Variants in TSEN2 observed in about 807,000 individuals in gnomAD.
The protein encoded by TSEN2 is tRNA splicing endonuclease subunit 2, also known as tRNA-splicing endonuclease subunit Sen2.
Under a neutral mutation model 59.2 loss-of-function variants are expected in TSEN2, and 54 were observed. That is an observed-to-expected ratio of 0.91 (90% CI 0.73 to 1.14). The LOEUF (loss-of-function observed/expected upper bound fraction) is 1.14, where lower values mean the gene tolerates loss of function less well. Among genes scored for constraint, TSEN2 ranks in the 50% most tolerant of loss-of-function variants. TSEN2 has a pLI of 0.00. For synonymous variants in TSEN2, 195 were observed against 198.2 expected (o/e 0.98, Z 0.14); for missense variants, 636 against 576.2 (o/e 1.10, Z -1.06).
intron 8 of TSEN2, among the ~76,000 whole-genome samples, chr3:12,523,643 C>T (rs2056849798): frequency 6.7e-6 from 1 of 149,424 alleles, no homozygotes; most frequent in Admixed American, 6.8e-5. Flanking sequence ...AGGTTCAAAC[C>T]ATTCTCCTGC....
At chr3:12,480,678 A>G (rs888325747), upstream of TSEN2, among the ~76,000 whole-genome samples, 4 of 151,352 alleles carry the variant, frequency 2.6e-5, no homozygotes, top group African/African-American at 4.9e-5. Flanking sequence ...TTACAGGCGC[A>G]TCACCATGCC....
chr3:12,494,986 C>T (rs945475936), intron 3 of TSEN2, among the ~76,000 whole-genome samples: 1 of 151,336 alleles, frequency 6.6e-6, no homozygotes, highest in African/African-American at 2.4e-5. Context: ...ATGAGCTGGG[C>T]ATGGTGGCAG....
intron 8 of TSEN2, among the ~76,000 whole-genome samples, chr3:12,526,424 T>C (rs180783923): frequency 1.3e-5 from 2 of 152,276 alleles, no homozygotes; most frequent in East Asian, 1.9e-4. Context: ...GTTATAATTG[T>C]CTACAGATTC....
upstream of TSEN2, among the ~76,000 whole-genome samples, chr3:12,483,530 C>T (rs1331519926): frequency 6.6e-6 from 1 of 152,154 alleles, no homozygotes. Context: ...TAAAGGCTGA[C>T]CAGGAATTAC....
chr3:12,492,633 T>A (rs2053335881), intron 3 of TSEN2, among the ~76,000 whole-genome samples: 1 of 152,264 alleles, frequency 6.6e-6, no homozygotes, highest in Admixed American at 6.5e-5. Flanking sequence ...TTAGAATATT[T>A]ATCTAAGGAA....
intron 8 of TSEN2, among the ~76,000 whole-genome samples, chr3:12,525,671 G>A (rs900632608): frequency 2.6e-5 from 4 of 152,034 alleles, no homozygotes; most frequent in African/African-American, 4.8e-5. Context: ...ATCCTCCCGC[G>A]TCAGCCTCCT....
chr3:12,536,901 G>C (rs570715363), downstream of TSEN2, among the ~76,000 whole-genome samples: 1 of 152,130 alleles, frequency 6.6e-6, no homozygotes, highest in African/African-American at 2.4e-5. Flanking sequence ...TACTCAGGAA[G>C]CTGAAGCAGG....
intron 2 of TSEN2, among the ~76,000 whole-genome samples, chr3:12,491,263 A>G (rs1263666977): frequency 1.3e-5 from 2 of 152,196 alleles, no homozygotes; most frequent in Non-Finnish European, 2.9e-5. Context: ...AAGTGCCGGG[A>G]TTACAGGTGT....
chr3:12,531,571 A>G lies in TSEN2; in HGVS notation c.1250A>G (p.Glu417Gly). 6.2e-7 allele frequency: 1 copy of G among 1,603,752 alleles called. No individual in the cohort carries two copies. The highest frequency in any genetic ancestry group is 8.5e-7 in the Non-Finnish European group (1 of 1,170,588). ...LSRVSVNVSKELMLCYLIKPS... is the reference protein window; with the variant it reads ...LSRVSVNVSKGLMLCYLIKPS... ...AAGTGGTTTTTCATTTCTCAATAGG[A>G]ACTTATGCTGTGCTATTTGATTAAA... The change falls in exon 11 of 12, where the codon GAA (glutamate) becomes GGA (glycine). Residue 417 changes from glutamate (E) to glycine (G), a missense_variant and splice_region_variant. Coordinates refer to ENST00000284995, the MANE Select transcript of TSEN2 (RefSeq NM_025265.4).
Position 12,519,212 on chromosome 3 carries a change from G to A in TSEN2, c.1099+15G>A. On this transcript the variant is annotated intron_variant, in intron 8 of 11. Transcript: ENST00000284995. ...GACAGATTTACGTAAGTAATTCTTG[G>A]CGTGGTGTGTGTGAGAATAGAGTTT... 4 of 1,614,188 alleles carry A rather than the reference G, an allele frequency of 2.5e-6. No homozygotes were observed. The highest frequency in any genetic ancestry group is 3.4e-6 in the Non-Finnish European group (4 of 1,180,026).
At chr3:12,482,693 C>T (rs534949964), upstream of TSEN2, among the ~76,000 whole-genome samples, 1 of 152,270 alleles carries the variant, frequency 6.6e-6, no homozygotes, top group South Asian at 2.1e-4. Flanking sequence ...CTCAGACCTG[C>T]TCGGTTATCT....
chr3:12,481,316 A>C (rs1170978715), upstream of TSEN2, among the ~76,000 whole-genome samples: 1 of 152,156 alleles, frequency 6.6e-6, no homozygotes. Context: ...GTAACATCAC[A>C]ATCAATACTT....
chr3:12,531,985 C>A (rs1295582141), intron 11 of TSEN2, among the ~76,000 whole-genome samples: 2 of 152,206 alleles, frequency 1.3e-5, no homozygotes, highest in African/African-American at 4.8e-5. Flanking sequence ...CCAGAGGTGT[C>A]CCTGTTGACT....
intron 7 of TSEN2, among the ~76,000 whole-genome samples, chr3:12,517,280 C>T (rs561367178): frequency 7.1e-6 from 1 of 141,432 alleles, no homozygotes; most frequent in East Asian, 2.0e-4. Context: ...ATGGCATGAA[C>T]CTGGGAGGTG....
Position 12,525,407 on chromosome 3 carries a change from T to C in TSEN2, c.1100-3481T>C, listed in dbSNP as rs569799535. On this transcript the variant is annotated intron_variant, in intron 8 of 11. Coordinates refer to ENST00000284995, the MANE Select transcript of TSEN2 (RefSeq NM_025265.4). ...CCATAAGTAGATACCATAAGTATAA[T>C]CTAATAATTATAATAGTTGTCTGAT... 3.5e-4 allele frequency among the ~76,000 whole-genome samples: 53 copies of C among 152,342 alleles called. 1 individual carries two copies. Among genetic ancestry groups the C allele is most frequent in the African/African-American group, 1.2e-3 (50 of 41,576 alleles).
At chr3:12,501,176 G>A (rs535797293) in intron 4 of TSEN2, among the ~76,000 whole-genome samples, 1 of 152,314 alleles carries the variant, frequency 6.6e-6, no homozygotes, top group Admixed American at 6.5e-5. Flanking sequence ...ACACCCTGCA[G>A]GTTGTGGCAC....
intron 8 of TSEN2, among the ~76,000 whole-genome samples, chr3:12,521,808 G>A (rs1047706261): frequency 6.6e-6 from 1 of 152,110 alleles, no homozygotes; most frequent in Non-Finnish European, 1.5e-5. Flanking sequence ...TCAGGAGATC[G>A]AGACCATCCT....
chr3:12,528,940 TAAATAAACTAATGGGTTA>T lies in TSEN2; in HGVS notation c.1136+19_1136+36del. On this transcript the variant is annotated intron_variant, in intron 9 of 11. Coordinates refer to ENST00000284995, the MANE Select transcript of TSEN2 (RefSeq NM_025265.4). The stretch of plus-strand genomic sequence containing the variant: ...ACCATGCAAGGTTCGGAGTGATTTT[TAAATAAACTAATGGGTTA>T]AAGGGACACAAGGAATTTCTGGCCT... 1 of 1,613,890 alleles carries T rather than the reference TAAATAAACTAATGGGTTA, an allele frequency of 6.2e-7. No individual in the cohort carries two copies. Among genetic ancestry groups the T allele is most frequent in the Non-Finnish European group, 8.5e-7 (1 of 1,179,848 alleles).
chr3:12,527,135 A>G (rs1262098593), intron 8 of TSEN2, among the ~76,000 whole-genome samples: 2 of 152,352 alleles, frequency 1.3e-5, no homozygotes, highest in South Asian at 4.1e-4. Flanking sequence ...TGAAAATTGT[A>G]TGTTTGGATA....
Sources: allele counts gnomAD v4.1 joint callset (sites outside exome capture counted in the v4.1 genomes callset), GRCh38; gene constraint gnomAD v4.1.1; transcripts MANE v1.5; gene names NCBI Gene and HGNC (gene_info 2026-07-23, HGNC 2026-07-21).